Variants in GRM7 observed in about 807,000 individuals in gnomAD.
GRM7 encodes the protein metabotropic glutamate receptor 7.
In GRM7, 35 loss-of-function variants were observed where a neutral mutation model predicts 84.5. That is an observed-to-expected ratio of 0.41 (90% confidence interval 0.32 to 0.55). The LOEUF (loss-of-function observed/expected upper bound fraction) is 0.55. Ranked by LOEUF, GRM7 falls within the 20% of genes least tolerant of loss-of-function variation. GRM7 has a pLI of 0.19. For missense variants in GRM7, 1,003 were observed against 1,194.6 expected (o/e 0.84, Z 2.36); for synonymous variants, 487 against 455.1 (o/e 1.07, Z -0.89).
chr3:7,648,444 C>T (rs974522103), intron 8 of GRM7, among the ~76,000 whole-genome samples: 8 of 151,608 alleles, frequency 5.3e-5, no homozygotes, highest in Admixed American at 2.0e-4. Flanking sequence ...GTCAGGAGTT[C>T]GAGACCAGCC....
chr3:6,936,720 C>G (rs558642502), intron 1 of GRM7, among the ~76,000 whole-genome samples: 2 of 152,166 alleles, frequency 1.3e-5, no homozygotes, highest in African/African-American at 4.8e-5. Context: ...CCCCTTTCCA[C>G]GACATTCTAT....
chr3:7,714,042 C>A (rs766565325), intron 9 of GRM7, among the ~76,000 whole-genome samples: 3 of 151,944 alleles, frequency 2.0e-5, no homozygotes, highest in African/African-American at 4.8e-5. Flanking sequence ...GCTAAGCATG[C>A]ATTTCTGTTT....
At chr3:7,652,010 A>G (rs1698963174) in intron 8 of GRM7, among the ~76,000 whole-genome samples, 1 of 152,192 alleles carries the variant, frequency 6.6e-6, no homozygotes, top group African/African-American at 2.4e-5. Flanking sequence ...TTAACAGGAC[A>G]TTTTGACCAA....
intron 7 of GRM7, among the ~76,000 whole-genome samples, chr3:7,572,591 G>C (rs545347972): frequency 1.3e-5 from 2 of 150,712 alleles, no homozygotes; most frequent in Non-Finnish European, 3.0e-5. Context: ...AGGCTGAAGC[G>C]GGCGGATCAC....
Position 6,863,344 on chromosome 3 carries a change from C to A in GRM7, c.519+1437C>A, listed in dbSNP as rs1416242444. 1.3e-5 allele frequency among the ~76,000 whole-genome samples: 2 copies of A among 152,246 alleles called. No homozygotes were observed. The highest frequency in any genetic ancestry group is 4.8e-5 in the African/African-American group (2 of 41,556). ...TTTATGCTCCTCATATCTAGAGAAC[C>A]GGCCCCTCTCAAGTGCTTTCCCAAA... is the stretch of plus-strand genomic sequence containing the variant. On this transcript the variant is annotated intron_variant, in intron 1 of 9. Transcript: ENST00000357716. This position sits in a 1 kb window ranked among gnomAD's most constrained non-coding sequence, Gnocchi z 4.8.
intron 4 of GRM7, chr3:7,403,196 C>T (rs1420107667): frequency 1.4e-5 from 6 of 443,290 alleles, no homozygotes; most frequent in Non-Finnish European, 2.7e-5. Flanking sequence ...GTGCCATTTG[C>T]TGAATTGATT....
intron 7 of GRM7, among the ~76,000 whole-genome samples, chr3:7,469,882 C>G (rs1036181884): frequency 6.6e-6 from 1 of 152,134 alleles, no homozygotes; most frequent in Non-Finnish European, 1.5e-5. Flanking sequence ...AGATGCGAGA[C>G]CCCAAACTGA....
chr3:6,942,344 T>C (rs1697923487), intron 1 of GRM7, among the ~76,000 whole-genome samples: 1 of 152,158 alleles, frequency 6.6e-6, no homozygotes, highest in Admixed American at 6.5e-5. Flanking sequence ...ATGCACAATA[T>C]AAGTTTTGAC....
chr3:7,434,894 A>G (rs1696979991), intron 5 of GRM7, among the ~76,000 whole-genome samples: 1 of 152,158 alleles, frequency 6.6e-6, no homozygotes, highest in African/African-American at 2.4e-5. Context: ...TAAAATATTT[A>G]GTAGAATTCA....
chr3:7,146,457 C>T lies in GRM7; in HGVS notation c.525C>T (p.Pro175=). 4 of 1,611,954 alleles carry T rather than the reference C, an allele frequency of 2.5e-6. No homozygotes were observed. Among genetic ancestry groups the T allele is most frequent in the Non-Finnish European group, 3.4e-6 (4 of 1,178,738 alleles). The change falls in exon 2 of 10, where the codon CCC becomes CCT. Residue 175 remains proline, a synonymous_variant. Transcript: ENST00000357716. ...VANILRLFQI[P]QISYASTAPE... is the part of the protein sequence containing the mutation. ...GTGCTTTCTTGTCTTTGCAGATCCC[C>T]CAGATTAGTTATGCATCAACGGCAC...
chr3:7,047,032 A>T (rs1696828344), intron 1 of GRM7, among the ~76,000 whole-genome samples: 1 of 152,040 alleles, frequency 6.6e-6, no homozygotes, highest in Non-Finnish European at 1.5e-5. Flanking sequence ...CCAAGGATGA[A>T]ATTAGGAGGT....
Position 7,668,350 on chromosome 3 carries a change from A to C in GRM7, c.2452-11699A>C, listed in dbSNP as rs116002863. On this transcript the variant is annotated intron_variant, in intron 8 of 9. Coordinates refer to ENST00000357716, the MANE Select transcript of GRM7 (RefSeq NM_000844.4). ...CTTCCTTATTTAACATCACCAATTA[A>C]GTCCCCTCTATTTGCCACCCACAGT... Among the ~76,000 whole-genome samples the C allele has an allele frequency of 4.4e-3, 667 of 152,324 alleles. 7 individuals are homozygous for C. The highest frequency in any genetic ancestry group is 0.015 in the African/African-American group (633 of 41,576).
At chr3:6,884,088 T>A (rs988958030) in intron 1 of GRM7, 24 of 152,654 alleles carry the variant, frequency 1.6e-4, no homozygotes, top group African/African-American at 5.5e-4. Flanking sequence ...GTGCCATCCA[T>A]TGGTAAATAG....
chr3:7,715,520 G>T (rs1701744433), intron 9 of GRM7, among the ~76,000 whole-genome samples: 1 of 152,138 alleles, frequency 6.6e-6, no homozygotes, highest in African/African-American at 2.4e-5. Context: ...ACTAAGGACT[G>T]ACATACTAAT....
rs559183740 is a variant in GRM7 at position 7,407,308 on chromosome 3, C to T, written c.1034-7715C>T. Among the ~76,000 whole-genome samples, 129 of 152,216 alleles carry T rather than the reference C, an allele frequency of 8.5e-4. 1 individual carries two copies. Among genetic ancestry groups the T allele is most frequent in the Non-Finnish European group, 9.1e-4 (62 of 68,022 alleles). On this transcript the variant is annotated intron_variant, in intron 4 of 9. Coordinates refer to ENST00000357716, the MANE Select transcript of GRM7 (RefSeq NM_000844.4). ...CAAGTCTCACCTCCTAAATCATCCTCTAGAGGGATGGTCATTTTATGTTTC... is the reference window on the plus strand; with the variant it reads ...CAAGTCTCACCTCCTAAATCATCCTTTAGAGGGATGGTCATTTTATGTTTC...
chr3:6,867,867 A>T (rs530106736), intron 1 of GRM7, among the ~76,000 whole-genome samples: 3 of 152,306 alleles, frequency 2.0e-5, no homozygotes, highest in Admixed American at 6.5e-5. Context: ...AACCTTCTTC[A>T]CATTATATTT....
At chr3:7,062,140 A>G (rs568330996) in intron 1 of GRM7, among the ~76,000 whole-genome samples, 3 of 151,902 alleles carry the variant, frequency 2.0e-5, no homozygotes, top group African/African-American at 7.2e-5. Flanking sequence ...AAGAAAAATA[A>G]AAGGGAATAC....
chr3:7,134,780 T>C (rs1283392135), intron 1 of GRM7, among the ~76,000 whole-genome samples: 2 of 152,142 alleles, frequency 1.3e-5, no homozygotes, highest in African/African-American at 4.8e-5. Flanking sequence ...ACAGTGAGTA[T>C]GACAATAATA....
chr3:7,616,009 A>T (rs1697062709), intron 8 of GRM7, among the ~76,000 whole-genome samples: 1 of 152,064 alleles, frequency 6.6e-6, no homozygotes, highest in Non-Finnish European at 1.5e-5. Flanking sequence ...ATATATTTTT[A>T]ATTTTATTCA....
Sources: allele counts gnomAD v4.1 joint callset (sites outside exome capture counted in the v4.1 genomes callset), GRCh38; gene constraint gnomAD v4.1.1; non-coding constraint Gnocchi (gnomAD v3.1); transcripts MANE v1.5; gene names NCBI Gene and HGNC (gene_info 2026-07-23, HGNC 2026-07-21).